Variants in ARAP2 observed in about 807,000 individuals in gnomAD.
ARAP2 encodes the protein ArfGAP with RhoGAP domain, ankyrin repeat and PH domain 2, also known as arf-GAP with Rho-GAP domain, ANK repeat and PH domain-containing protein 2.
Under a neutral mutation model 194.5 loss-of-function variants are expected in ARAP2, and 148 were observed. The observed-to-expected ratio is 0.76, with a 90% CI of 0.67 to 0.87. The LOEUF (loss-of-function observed/expected upper bound fraction) is 0.87, where lower values mean the gene tolerates loss of function less well. ARAP2 is among the 40% of genes least tolerant of loss of function. The pLI is 0.00. For missense variants in ARAP2, 2,128 were observed against 1,989.7 expected (o/e 1.07, Z -1.32); for synonymous variants, 695 against 683.5 (o/e 1.02, Z -0.26).
intron 24 of ARAP2, 31 bp downstream of exon 24, chr4:36,119,615 TTTAA>T (rs1560469562): frequency 6.8e-7 from 1 of 1,463,498 alleles, no homozygotes; most frequent in East Asian, 2.3e-5. Flanking sequence ...TTTTGTTTTG[TTTAA>T]TTATTTAGAG....
intron 27 of ARAP2, among the ~76,000 whole-genome samples, chr4:36,107,197 T>C (rs549113789): frequency 3.6e-4 from 54 of 152,104 alleles, no homozygotes; most frequent in African/African-American, 1.2e-3. Flanking sequence ...CCTATATAAT[T>C]AGCATTCCTT....
At chr4:36,097,966 C>A (rs373962700) in intron 27 of ARAP2, among the ~76,000 whole-genome samples, 1 of 151,916 alleles carries the variant, frequency 6.6e-6, no homozygotes, top group South Asian at 2.1e-4. Context: ...AAAAGTCACA[C>A]GTAGGAAACA....
At chr4:36,089,312 T>A (rs1712878081) in intron 28 of ARAP2, among the ~76,000 whole-genome samples, 1 of 152,176 alleles carries the variant, frequency 6.6e-6, no homozygotes. Flanking sequence ...TCATTTTTGT[T>A]GCTGAGTAGT....
intron 9 of ARAP2, among the ~76,000 whole-genome samples, chr4:36,007,457 A>T (rs1303055435): frequency 6.6e-6 from 1 of 152,220 alleles, no homozygotes; most frequent in Non-Finnish European, 1.5e-5. Flanking sequence ...AAGCTATGTC[A>T]TCTCAAGCCA....
chr4:36,204,230 T>TCAAA, intron 6 of ARAP2, among the ~76,000 whole-genome samples: 2 of 152,330 alleles, frequency 1.3e-5, no homozygotes, highest in African/African-American at 4.8e-5. Flanking sequence ...ATAGGCTATG[T>TCAAA]ATAAAGTATC....
chr4:36,048,294 T>C (rs1722137691), intron 3 of ARAP2, among the ~76,000 whole-genome samples: 3 of 152,202 alleles, frequency 2.0e-5, no homozygotes, highest in South Asian at 2.1e-4. Context: ...CATGGGTGTA[T>C]TGAATGATGC....
chr4:36,040,249 G>A (rs570470046), intron 5 of ARAP2, among the ~76,000 whole-genome samples: 7 of 152,076 alleles, frequency 4.6e-5, no homozygotes, highest in African/African-American at 7.2e-5. Flanking sequence ...CAAGAGAGTG[G>A]GATGAGCAAA....
chr4:36,180,357 T>C (rs1738951536), intron 8 of ARAP2, among the ~76,000 whole-genome samples: 3 of 152,218 alleles, frequency 2.0e-5, no homozygotes, highest in Admixed American at 6.5e-5. Flanking sequence ...CTAGCATTGT[T>C]ATACATCATA....
intron 9 of ARAP2, among the ~76,000 whole-genome samples, chr4:36,008,132 A>C (rs1713696344): frequency 1.3e-5 from 2 of 152,308 alleles, no homozygotes; most frequent in African/African-American, 2.4e-5. Flanking sequence ...AACAATTTAC[A>C]GATTTAATGC....
At chr4:36,116,570 T>C (rs764352773) in intron 25 of ARAP2, among the ~76,000 whole-genome samples, 3 of 151,864 alleles carry the variant, frequency 2.0e-5, no homozygotes, top group Non-Finnish European at 4.4e-5. Context: ...TGCTAAAGTA[T>C]AGAAAACAAG....
intron 26 of ARAP2, among the ~76,000 whole-genome samples, chr4:36,109,702 G>C (rs1203367108): frequency 6.6e-6 from 1 of 151,842 alleles, no homozygotes; most frequent in East Asian, 1.9e-4. Context: ...CTCCCTTTAT[G>C]TATGGCTTTA....
intron 6 of ARAP2, among the ~76,000 whole-genome samples, chr4:36,207,914 T>C (rs1053734318): frequency 6.6e-6 from 1 of 152,214 alleles, no homozygotes; most frequent in Non-Finnish European, 1.5e-5. Context: ...ATTGCTGTTT[T>C]AGAAAAATTA....
rs769663415 is a variant in ARAP2, at chr4:36,193,637, A to C, written c.1498T>G (p.Phe500Val). ...TCAAATTTCACCCATCTCTTTTGAA[A>C]CATGCGTTTTCTGCAAAACATATGA... ...DKLSPQGKRM[F>V]QKRWVKFDGL... Residue 500 changes from phenylalanine to valine, a missense_variant, in exon 7 of 33, where the codon TTT becomes GTT. Transcript: ENST00000303965. The C allele has an allele frequency of 3.1e-6, 5 of 1,603,162 alleles. No individual in the cohort carries two copies. The highest frequency in any genetic ancestry group is 4.3e-6 in the Non-Finnish European group (5 of 1,175,424).
At chr4:36,054,729 T>C (rs1723216692) in intron 2 of ARAP2, among the ~76,000 whole-genome samples, 1 of 152,200 alleles carries the variant, frequency 6.6e-6, no homozygotes, top group South Asian at 2.1e-4. Flanking sequence ...TATTACATCA[T>C]TACCACATAC....
At chr4:36,018,668 A>C (rs966557162) in intron 6 of ARAP2, among the ~76,000 whole-genome samples, 10 of 152,110 alleles carry the variant, frequency 6.6e-5, no homozygotes, top group African/African-American at 2.4e-4. Flanking sequence ...AACTTTTCCC[A>C]CCTTCCATCT....
intron 21 of ARAP2, among the ~76,000 whole-genome samples, chr4:36,126,684 A>T (rs1723987041): frequency 6.6e-6 from 1 of 152,068 alleles, no homozygotes; most frequent in Non-Finnish European, 1.5e-5. Context: ...CCAGTATTCA[A>T]AGCCTTCTCC....
intron 28 of ARAP2, among the ~76,000 whole-genome samples, chr4:36,090,334 A>G (rs1317436951): frequency 6.6e-6 from 1 of 152,108 alleles, no homozygotes; most frequent in African/African-American, 2.4e-5. Flanking sequence ...ATGTACAAAT[A>G]AGATCTGGTA....
At chr4:36,083,518 T>A in intron 28 of ARAP2, 68 bp from the exon 29 acceptor site, 2 of 1,118,468 alleles carry the variant, frequency 1.8e-6, no homozygotes, top group Non-Finnish European at 1.3e-6. Flanking sequence ...CTTTGAGCAT[T>A]AATGATTGGG....
rs988874652 is a variant in ARAP2 at position 36,212,620 on chromosome 4, C to T, written c.1042-133G>A. ...TAGTTTTATTAAATAAGTCTAATTA[C>T]TTAGATCAATTTTCAGAAAAAAAAG... On this transcript the variant is annotated intron_variant, in intron 4 of 32. Transcript: ENST00000303965. The T allele has an allele frequency of 3.9e-5, 21 of 537,502 alleles. No homozygotes were observed. In the East Asian group the frequency reaches 5.0e-4, roughly 13 times the overall value. The allele number at this position is 537,502 out of a possible 1,614,324, so 33.3% of individuals were successfully genotyped here.
Sources: gnomAD v4.1 joint callset for allele counts (sites outside exome capture counted in the v4.1 genomes callset) on GRCh38, gnomAD v4.1.1 for gene constraint, MANE v1.5 for transcripts, NCBI Gene and HGNC (gene_info 2026-07-23, HGNC 2026-07-21) for gene names.